The following TENT4B variants were observed in gnomAD, a reference collection of about 807,000 sequenced individuals.
TENT4B encodes the protein terminal nucleotidyltransferase 4B.
TENT4B carries 10 observed loss-of-function variants against 75.0 expected under a neutral mutation model. That is an observed-to-expected ratio of 0.13 (90% confidence interval 0.08 to 0.23). The LOEUF (loss-of-function observed/expected upper bound fraction) is 0.23, where lower values mean the gene tolerates loss of function less well. TENT4B is among the 10% of genes least tolerant of loss of function. The probability of loss-of-function intolerance (pLI) is 1.00; values close to 1 mark genes in which losing one functional copy is unlikely to be tolerated. For synonymous variants in TENT4B, 350 were observed against 357.7 expected (o/e 0.98, Z 0.24); for missense variants, 579 against 893.8 (o/e 0.65, Z 4.49).
chr16:50,173,389 T>C (rs2038243417), intron 1 of TENT4B, among the ~76,000 whole-genome samples: 1 of 152,236 alleles, frequency 6.6e-6, no homozygotes, highest in Non-Finnish European at 1.5e-5. Flanking sequence ...TAGGTTTTTG[T>C]GTGGTCATGT....
At chr16:50,198,779 TTA>T (rs2150719462) in intron 1 of TENT4B, among the ~76,000 whole-genome samples, 1 of 152,278 alleles carries the variant, frequency 6.6e-6, no homozygotes, top group East Asian at 1.9e-4. Flanking sequence ...TGTCAACTAC[TTA>T]TAGATTTTAC....
chr16:50,153,665 C>T lies in TENT4B; in HGVS notation c.44C>T (p.Pro15Leu). Residue 15 changes from proline (P) to leucine (L), a missense_variant, in exon 1 of 12, where the codon CCG becomes CTG. Coordinates refer to ENST00000561678, the MANE Select transcript of TENT4B (RefSeq NM_001365324.3). ...IAWFQPEQLG[P>L]SNSLWMQIWE... ...TGGTTTCAGCCAGAGCAGCTCGGAC[C>T]GTCCAACAGTCTGTGGATGCAGATC... 9.9e-7 allele frequency: 1 copy of T among 1,014,526 alleles called. No homozygotes were observed. The highest frequency in any genetic ancestry group is 1.2e-6 in the Non-Finnish European group (1 of 849,756). 62.8% of individuals were successfully genotyped at this position (1,014,526 alleles called of 1,614,324 possible).
chr16:50,174,881 T>A (rs2038275426), intron 1 of TENT4B, among the ~76,000 whole-genome samples: 1 of 151,794 alleles, frequency 6.6e-6, no homozygotes, highest in African/African-American at 2.4e-5. Context: ...TAGCTGGGAT[T>A]ACAGGCGAAT....
In TENT4B at chr16:50,159,023, G is replaced by T. The variant is rs769741257; in HGVS notation, c.638+4764G>T. 5.9e-5 allele frequency among the ~76,000 whole-genome samples: 9 copies of T among 152,138 alleles called. 1 individual carries two copies. The highest frequency in any genetic ancestry group is 2.0e-4 in the Admixed American group (3 of 15,270). On this transcript the variant is annotated intron_variant, in intron 1 of 11. Transcript: ENST00000561678. Reference sequence around the variant, plus strand: ...AAGATAGTAGGGGGATGTATAGGTGGACCTGCTAGTGGGGAGCTGAGATTT... The same window carrying T: ...AAGATAGTAGGGGGATGTATAGGTGTACCTGCTAGTGGGGAGCTGAGATTT...
intron 1 of TENT4B, among the ~76,000 whole-genome samples, chr16:50,182,016 C>T (rs527309666): frequency 2.0e-5 from 3 of 152,204 alleles, no homozygotes; most frequent in African/African-American, 7.2e-5. Flanking sequence ...GTAATCTCAG[C>T]CCTTTAGTAG....
intron 1 of TENT4B, among the ~76,000 whole-genome samples, chr16:50,208,878 A>G (rs933760014): frequency 1.2e-4 from 18 of 152,276 alleles, no homozygotes; most frequent in African/African-American, 3.8e-4. Context: ...AATTACAGGC[A>G]TGCGCCACCA....
In TENT4B at chr16:50,216,345, T is replaced by C. The variant is rs950593658; in HGVS notation, c.930+150T>C. 17 of 1,012,292 alleles carry C rather than the reference T, an allele frequency of 1.7e-5. 1 individual carries two copies. In the Admixed American group the frequency reaches 3.8e-4, roughly 23 times the overall value. 62.7% of individuals were successfully genotyped at this position (1,012,292 alleles called of 1,614,324 possible). On this transcript the variant is annotated intron_variant, in intron 4 of 11. Coordinates refer to ENST00000561678, the MANE Select transcript of TENT4B (RefSeq NM_001365324.3). Reference sequence around the variant, plus strand: ...CCGTGCTTGCACATAAAAAGTTTTCTGGTTGTCCACACTGGAGTGTGACCA... The same window carrying C: ...CCGTGCTTGCACATAAAAAGTTTTCCGGTTGTCCACACTGGAGTGTGACCA...
intron 1 of TENT4B, among the ~76,000 whole-genome samples, chr16:50,202,116 G>A (rs2030692141): frequency 1.3e-5 from 2 of 152,138 alleles, no homozygotes; most frequent in African/African-American, 2.4e-5. Context: ...TTTGAAATAC[G>A]TGTGGGAGCT....
At chr16:50,160,652 C>T (rs1315174212) in intron 1 of TENT4B, among the ~76,000 whole-genome samples, 1 of 152,222 alleles carries the variant, frequency 6.6e-6, no homozygotes, top group Non-Finnish European at 1.5e-5. Context: ...ATGGTTCTCA[C>T]TTGTTCTCAG....
chr16:50,225,654 G>A (rs2032015657), intron 10 of TENT4B, among the ~76,000 whole-genome samples: 1 of 151,376 alleles, frequency 6.6e-6, no homozygotes, highest in African/African-American at 2.4e-5. Flanking sequence ...CATCCTTGTA[G>A]CCAGACTCCA....
At chr16:50,197,133 AAAC>A (rs1232789155) in intron 1 of TENT4B, among the ~76,000 whole-genome samples, 8 of 151,968 alleles carry the variant, frequency 5.3e-5, no homozygotes, top group Non-Finnish European at 1.0e-4. Flanking sequence ...AACAAAAAAA[AAAC>A]AGAGTACAAC....
At chr16:50,206,760 G>A (rs2030997221) in intron 1 of TENT4B, among the ~76,000 whole-genome samples, 1 of 152,068 alleles carries the variant, frequency 6.6e-6, no homozygotes, top group South Asian at 2.1e-4. Flanking sequence ...TGTGCCCAGG[G>A]TGGTCCAGCT....
chr16:50,163,312 C>G (rs1253830747), intron 1 of TENT4B, among the ~76,000 whole-genome samples: 1 of 151,912 alleles, frequency 6.6e-6, no homozygotes, highest in African/African-American at 2.4e-5. Context: ...GTTATTCACC[C>G]TTTACTTTCT....
At chr16:50,154,320 C>A in intron 1 of TENT4B, 61 bp downstream of exon 1, 1 of 1,381,954 alleles carries the variant, frequency 7.2e-7, no homozygotes, top group Non-Finnish European at 9.3e-7. Flanking sequence ...CGGGCACACG[C>A]CCACAGAGGG....
chr16:50,199,570 T>G (rs1742942651), intron 1 of TENT4B, among the ~76,000 whole-genome samples: 1 of 152,256 alleles, frequency 6.6e-6, no homozygotes, highest in African/African-American at 2.4e-5. Context: ...ATCTGTTTAC[T>G]GTCTCCATAG....
At position 50,234,580 on chromosome 16, in the gene TENT4B, T is replaced by A; in HGVS notation, c.*5252T>A. 1.0e-6 allele frequency: 1 copy of A among 982,930 alleles called. No individual in the cohort carries two copies. The highest frequency in any genetic ancestry group is 1.2e-6 in the Non-Finnish European group (1 of 827,628). 60.9% of individuals were successfully genotyped at this position (982,930 alleles called of 1,614,324 possible). A position where few individuals can be genotyped will look rare whatever the true frequency, so the allele number is the denominator to read the frequency against. On this transcript the variant is annotated 3_prime_UTR_variant, in exon 12 of 12. Coordinates refer to ENST00000561678, the MANE Select transcript of TENT4B (RefSeq NM_001365324.3). The stretch of plus-strand genomic sequence containing the variant: ...TATGTTGTTTTGTCCCTGAACTTAA[T>A]CTCCTAATTTTAAGATCCTCTCTGA...
chr16:50,230,046 T>A lies in TENT4B; in HGVS notation c.*718T>A, dbSNP rs2032230314. The A allele has an allele frequency of 1.0e-6, 1 of 985,140 alleles. No individual in the cohort carries two copies. Among genetic ancestry groups the A allele is most frequent in the Admixed American group, 6.2e-5 (1 of 16,248 alleles). The allele number at this position is 985,140 out of a possible 1,614,324, so 61.0% of individuals were successfully genotyped here. ...GCATTGAAATGACTTAATAGAACCC[T>A]TGTGTCCTGCTGCAAAAATTTTTCC... On this transcript the variant is annotated 3_prime_UTR_variant, in exon 12 of 12. Coordinates refer to ENST00000561678, the MANE Select transcript of TENT4B (RefSeq NM_001365324.3).
chr16:50,213,727 TA>T (rs1472159313), intron 2 of TENT4B, among the ~76,000 whole-genome samples: 1 of 152,156 alleles, frequency 6.6e-6, no homozygotes, highest in Non-Finnish European at 1.5e-5. Flanking sequence ...CAGAAAAAAC[TA>T]TAAAAATAAC....
intron 1 of TENT4B, among the ~76,000 whole-genome samples, chr16:50,159,200 TTCTC>T (rs999518983): frequency 2.2e-4 from 33 of 150,970 alleles, no homozygotes; most frequent in Admixed American, 1.2e-3. Flanking sequence ...CTGCTTCTCT[TTCTC>T]TCTCTCTCTC....
Sources: allele counts gnomAD v4.1 joint callset (sites outside exome capture counted in the v4.1 genomes callset), GRCh38; gene constraint gnomAD v4.1.1; transcripts MANE v1.5; gene names NCBI Gene and HGNC (gene_info 2026-07-23, HGNC 2026-07-21).